PCDHA2: variants seen among roughly 807,000 people sequenced by gnomAD.
PCDHA2 encodes the protein protocadherin alpha-2.
Under a neutral mutation model 66.0 loss-of-function variants are expected in PCDHA2, and 58 were observed. The ratio of observed to expected loss-of-function variants is 0.88; its 90% CI spans 0.71 to 1.09. The LOEUF is 1.09. Among genes scored for constraint, PCDHA2 ranks in the 50% least tolerant of loss-of-function variants. The pLI is 0.00. For missense variants in PCDHA2, 1,267 were observed against 1,242.3 expected, an observed-to-expected ratio of 1.02 and a Z score of -0.30; for synonymous variants, 634 against 554.0, an observed-to-expected ratio of 1.14 and a Z score of -2.03.
chr5:140,853,247 C>G (rs985398812), intron 1 of PCDHA2: 3 of 975,930 alleles, frequency 3.1e-6, no homozygotes, highest in African/African-American at 3.5e-5. Context: ...ATATTAATCT[C>G]TATTCTCTCT....
At chr5:140,879,026 A>G (rs1381722750) in intron 1 of PCDHA2, among the ~76,000 whole-genome samples, 2 of 152,234 alleles carry the variant, frequency 1.3e-5, no homozygotes, top group Non-Finnish European at 2.9e-5. Context: ...GTTTTATTGA[A>G]GAGTGTCTTG....
chr5:140,851,487 C>T (rs1273932978), intron 1 of PCDHA2: 42 of 889,088 alleles, frequency 4.7e-5, no homozygotes, highest in Non-Finnish European at 5.1e-5. Context: ...TAAACACAGC[C>T]TTCATTTCAA....
At chr5:140,901,952 C>T (rs1427349795) in intron 1 of PCDHA2, among the ~76,000 whole-genome samples, 6 of 151,888 alleles carry the variant, frequency 4.0e-5, no homozygotes, top group Non-Finnish European at 8.8e-5. Context: ...TAGTTTTATT[C>T]GTGGCTATCG....
At position 140,848,981 on chromosome 5, in the gene PCDHA2, C is replaced by A. The variant is rs2150427833; in HGVS notation, c.2388+51629C>A. 2.6e-5 allele frequency: 41 copies of A among 1,598,746 alleles called. No homozygotes were observed. The Middle Eastern group carries it at 5.0e-4, about 19-fold the overall frequency. On this transcript the variant is annotated intron_variant, in intron 1 of 3. Transcript: ENST00000526136. ...TAGAGGGCGCGTCCGATGCAGATAT[C>A]GGGGAGAACGCCCTGCTCACTTACA...
intron 3 of PCDHA2, among the ~76,000 whole-genome samples, chr5:140,985,991 A>G (rs575854221): frequency 2.7e-4 from 41 of 152,022 alleles, no homozygotes; most frequent in African/African-American, 9.2e-4. Context: ...CGCCCACCTC[A>G]GCCTCCCAAA....
At chr5:140,935,255 C>T (rs914593610) in intron 1 of PCDHA2, among the ~76,000 whole-genome samples, 4 of 152,150 alleles carry the variant, frequency 2.6e-5, no homozygotes, top group African/African-American at 9.7e-5. Context: ...TAAAATACAT[C>T]ACATGTTTAT....
At chr5:140,993,470 A>T (rs1348899420) in intron 3 of PCDHA2, among the ~76,000 whole-genome samples, 10 of 115,268 alleles carry the variant, frequency 8.7e-5, no homozygotes, top group East Asian at 7.9e-4. Flanking sequence ...TCTCACACAC[A>T]CACACACACA....
In PCDHA2 at chr5:140,844,942, G is replaced by GGACTCT. The variant is rs2150375378; in HGVS notation, c.2388+47593_2388+47598dup. On this transcript the variant is annotated intron_variant, in intron 1 of 3. Transcript: ENST00000526136. ...GATGGAAGGGAATGAACGATTTCTG[G>GGACTCT]GACTCTGAATTCTTACAGTTTGTTA... Among the ~76,000 whole-genome samples, 244 of 149,148 alleles carry GGACTCT rather than the reference G, an allele frequency of 1.6e-3. 12 individuals are homozygous for GGACTCT. The highest frequency in any genetic ancestry group is 2.1e-3 in the Non-Finnish European group (141 of 66,614).
In PCDHA2 at chr5:140,967,370, G is replaced by A. The variant is rs1554229504; in HGVS notation, c.2389-11579G>A. ...CGAGCTGGACCTTAAGCCCCTGCAGGAGAACAGTAAAGTGCTTGAGCTGGT... is the reference window on the plus strand; with the variant it reads ...CGAGCTGGACCTTAAGCCCCTGCAGAAGAACAGTAAAGTGCTTGAGCTGGT... On this transcript the variant is annotated intron_variant, in intron 1 of 3. Transcript: ENST00000526136. The A allele has an allele frequency of 3.1e-6, 5 of 1,607,662 alleles. No individual in the cohort carries two copies. The South Asian group carries it at 3.3e-5, about 11-fold the overall frequency.
At chr5:140,897,803 C>A (rs1285512803) in intron 1 of PCDHA2, among the ~76,000 whole-genome samples, 2 of 152,130 alleles carry the variant, frequency 1.3e-5, no homozygotes, top group Non-Finnish European at 2.9e-5. Flanking sequence ...AGAGTCCCAC[C>A]AACAGTGTAA....
intron 1 of PCDHA2, among the ~76,000 whole-genome samples, chr5:140,905,958 G>C (rs1554192269): frequency 6.6e-6 from 1 of 152,184 alleles, no homozygotes; most frequent in African/African-American, 2.4e-5. Context: ...GATGTTCAAG[G>C]GGAGGAAGAT....
intron 1 of PCDHA2, among the ~76,000 whole-genome samples, chr5:140,976,505 C>T (rs538128648): frequency 3.3e-5 from 5 of 152,122 alleles, no homozygotes; most frequent in East Asian, 3.9e-4. Flanking sequence ...GAGCCAAGAT[C>T]GCGCCACTGC....
chr5:140,916,612 G>A (rs1256459125), intron 1 of PCDHA2, among the ~76,000 whole-genome samples: 3 of 152,144 alleles, frequency 2.0e-5, no homozygotes, highest in African/African-American at 7.2e-5. Flanking sequence ...CGGGCCTCAT[G>A]ACTCTACTCA....
intron 1 of PCDHA2, chr5:140,842,380 T>A (rs1777905222): frequency 6.2e-7 from 1 of 1,610,180 alleles, no homozygotes; most frequent in Non-Finnish European, 8.5e-7. Context: ...TAGCACTGAC[T>A]TCCTTATCCT....
chr5:140,953,364 G>T (rs1177357093), intron 1 of PCDHA2, among the ~76,000 whole-genome samples: 1 of 152,088 alleles, frequency 6.6e-6, no homozygotes, highest in Non-Finnish European at 1.5e-5. Flanking sequence ...TGCACTCAAG[G>T]ATTCTCTACC....
At chr5:140,918,742 A>T (rs2078833886) in intron 1 of PCDHA2, among the ~76,000 whole-genome samples, 1 of 152,170 alleles carries the variant, frequency 6.6e-6, no homozygotes, top group Non-Finnish European at 1.5e-5. Context: ...GCCCTTATAA[A>T]AGAGGCCCAG....
chr5:140,796,968 G>C lies in PCDHA2; in HGVS notation c.2004G>C (p.Ser668=), dbSNP rs369554786. Residue 668 remains serine, a synonymous_variant, in exon 1 of 4, where the codon TCG becomes TCC. Coordinates refer to ENST00000526136, the MANE Select transcript of PCDHA2 (RefSeq NM_018905.3). ...ALTATATVLV[S]LVESGQAPKA... Reference sequence around the variant, plus strand: ...CAGCCACGGCCACCGTGTTAGTGTCGTTGGTGGAAAGTGGCCAGGCACCCA... The same window carrying C: ...CAGCCACGGCCACCGTGTTAGTGTCCTTGGTGGAAAGTGGCCAGGCACCCA... The C allele has an allele frequency of 1.2e-6, 2 of 1,613,820 alleles. No individual in the cohort carries two copies. The highest frequency in any genetic ancestry group is 4.5e-5 in the East Asian group (2 of 44,868).
At chr5:140,882,217 A>C in intron 1 of PCDHA2, 1 of 1,542,972 alleles carries the variant, frequency 6.5e-7, no homozygotes, top group Non-Finnish European at 8.7e-7. Context: ...AGACAGTTTG[A>C]GGTAAGGCGT....
At chr5:140,835,553 G>A in intron 1 of PCDHA2, 2 of 1,613,872 alleles carry the variant, frequency 1.2e-6, no homozygotes, top group Admixed American at 1.7e-5. Flanking sequence ...GCTCCCTGAC[G>A]CCCCGCGTTC....
Sources: gnomAD v4.1 joint callset for allele counts (sites outside exome capture counted in the v4.1 genomes callset) on GRCh38, gnomAD v4.1.1 for gene constraint, MANE v1.5 for transcripts, NCBI Gene and HGNC (gene_info 2026-07-23, HGNC 2026-07-21) for gene names.